TBC1D23: variants seen among roughly 807,000 people sequenced by gnomAD.
TBC1D23 encodes the protein HCV non-structural protein 4A-transactivated protein 1.
TBC1D23 carries 55 observed loss-of-function variants against 91.4 expected under a neutral mutation model. That is an observed-to-expected ratio of 0.60 (90% CI 0.48 to 0.75). The LOEUF (loss-of-function observed/expected upper bound fraction) is 0.75, where lower values mean the gene tolerates loss of function less well. TBC1D23 is among the 30% of genes least tolerant of loss of function. The pLI is 0.00. For synonymous variants in TBC1D23, 289 were observed against 281.0 expected (o/e 1.03, Z -0.28); for missense variants, 725 against 836.1 (o/e 0.87, Z 1.64).
In TBC1D23 at chr3:100,290,716, G is replaced by A; in HGVS notation, c.600+15G>A. On this transcript the variant is annotated intron_variant, in intron 5 of 18. Coordinates refer to ENST00000394144, the MANE Select transcript of TBC1D23 (RefSeq NM_001199198.3). ...CACTCAACTGGGTAATAAAGTGAAA[G>A]TAGGAACATTTAATGAAAAATAGAT... 1 of 1,521,926 alleles carries A rather than the reference G, an allele frequency of 6.6e-7. No homozygotes were observed. The highest frequency in any genetic ancestry group is 1.2e-5 in the South Asian group (1 of 80,796). The allele number at this position is 1,521,926 out of a possible 1,614,324, so 94.3% of individuals were successfully genotyped here.
intron 14 of TBC1D23, among the ~76,000 whole-genome samples, chr3:100,310,782 TA>T: frequency 6.6e-6 from 1 of 152,358 alleles, no homozygotes; most frequent in Admixed American, 6.5e-5. Context: ...TGCCATTCAC[TA>T]AAAGAAATTT....
chr3:100,264,672 G>C (rs914790970), intron 1 of TBC1D23, among the ~76,000 whole-genome samples: 1 of 152,234 alleles, frequency 6.6e-6, no homozygotes, highest in African/African-American at 2.4e-5. Context: ...TTTGTTGTCA[G>C]TGGTATCTCA....
intron 1 of TBC1D23, among the ~76,000 whole-genome samples, chr3:100,264,815 A>G (rs1411563877): frequency 1.3e-5 from 2 of 152,158 alleles, no homozygotes; most frequent in African/African-American, 4.8e-5. Context: ...GCTGATTTTC[A>G]GTTATGTTCT....
At chr3:100,290,851 A>G in intron 5 of TBC1D23, 150 bp downstream of exon 5, 1 of 592,968 alleles carries the variant, frequency 1.7e-6, no homozygotes, top group Non-Finnish European at 2.7e-6. Context: ...TTGGCATTTC[A>G]AAATAACTTT....
At chr3:100,312,019 G>A (rs1705633740) in intron 15 of TBC1D23, 142 bp downstream of exon 15, 1 of 602,044 alleles carries the variant, frequency 1.7e-6, no homozygotes, top group Admixed American at 3.1e-5. Flanking sequence ...TGCTTTTTAG[G>A]AGTGTGTCAT....
chr3:100,313,203 A>G (rs1027785037), intron 15 of TBC1D23, among the ~76,000 whole-genome samples: 5 of 151,876 alleles, frequency 3.3e-5, no homozygotes, highest in African/African-American at 1.2e-4. Flanking sequence ...CATCCTTTCC[A>G]TTTTCTTCTG....
At chr3:100,292,454 GTACC>G (rs1293748440) in intron 5 of TBC1D23, among the ~76,000 whole-genome samples, 2 of 152,166 alleles carry the variant, frequency 1.3e-5, no homozygotes, top group Non-Finnish European at 2.9e-5. Context: ...TAATAGTACT[GTACC>G]TACTTCAGAG....
intron 3 of TBC1D23, among the ~76,000 whole-genome samples, chr3:100,282,348 TTTTGCATTATATGTTAGA>T (rs1255024450): frequency 1.3e-5 from 2 of 152,172 alleles, no homozygotes; most frequent in Non-Finnish European, 2.9e-5. Context: ...TTACTGTTTC[TTTTGCATTATATGTTAGA>T]TTTTTCATGT....
chr3:100,279,474 G>T (rs1185538267), intron 1 of TBC1D23, 175 bp from the exon 2 acceptor site: 1 of 452,922 alleles, frequency 2.2e-6, no homozygotes, highest in Non-Finnish European at 4.1e-6. Context: ...TTGACTGTAT[G>T]AAGCCTGAGA....
rs765539211 is a variant in TBC1D23 at position 100,266,274 on chromosome 3, A to AT, written c.53+5216dup. On this transcript the variant is annotated intron_variant, in intron 1 of 18. Transcript: ENST00000394144. ...TTAGATTTTAGAGTTTTTAAAGGTA[A>AT]TTTTTTTTTTTTTGAGACGGAGTCT... is the stretch of plus-strand genomic sequence containing the variant. 6.1e-3 allele frequency among the ~76,000 whole-genome samples: 888 copies of AT among 146,364 alleles called. 2 individuals carry two copies. Among genetic ancestry groups the AT allele is most frequent in the Non-Finnish European group, 7.7e-3 (508 of 65,998 alleles).
chr3:100,296,306 T>C (rs2067839225), intron 8 of TBC1D23, 31 bp downstream of exon 8: 1 of 1,174,036 alleles, frequency 8.5e-7, no homozygotes, highest in South Asian at 1.3e-5. Flanking sequence ...AACTATGTTG[T>C]ATTTCATATT....
chr3:100,312,537 A>G (rs916464536), intron 15 of TBC1D23, among the ~76,000 whole-genome samples: 2 of 152,184 alleles, frequency 1.3e-5, no homozygotes, highest in Non-Finnish European at 2.9e-5. Flanking sequence ...ATTAAAGACA[A>G]TAAGTTTAAG....
chr3:100,286,501 C>CTTTTTTTTTTTTTTTT (rs11370481), intron 4 of TBC1D23, among the ~76,000 whole-genome samples: 30 of 146,346 alleles, frequency 2.0e-4, no homozygotes, highest in Non-Finnish European at 3.2e-4. Flanking sequence ...AACATATCTT[C>CTTTTTTTTTTTTTTTT]TTTTTTTTTT....
At chr3:100,323,414 C>T (rs1705899604) in intron 18 of TBC1D23, among the ~76,000 whole-genome samples, 173 bp from the exon 19 acceptor site, 1 of 152,050 alleles carries the variant, frequency 6.6e-6, no homozygotes, top group South Asian at 2.1e-4. Context: ...GGATTATGTT[C>T]AAATAAGCTA....
At chr3:100,297,124 A>G (rs1411663394) in intron 8 of TBC1D23, among the ~76,000 whole-genome samples, 1 of 152,178 alleles carries the variant, frequency 6.6e-6, no homozygotes, top group Non-Finnish European at 1.5e-5. Context: ...AAGAGGCACA[A>G]GTTTATAAAG....
In TBC1D23 at chr3:100,316,186, A is replaced by G; in HGVS notation, c.1686A>G (p.Thr562=). 6.2e-7 allele frequency: 1 copy of G among 1,609,568 alleles called. No homozygotes were observed. Among genetic ancestry groups the G allele is most frequent in the South Asian group, 1.1e-5 (1 of 91,010 alleles). The change falls in exon 16 of 19, where the codon ACA becomes ACG. Residue 562 remains threonine, a splice_region_variant and synonymous_variant. Coordinates refer to ENST00000394144, the MANE Select transcript of TBC1D23 (RefSeq NM_001199198.3). ...TTGGGGATGAAGAAGAATACGACAC[A>G]GGTGTAGTAATACACTTAGCTACAG... ...FSIGDEEEYD[T]DEIDSSSMSD... is the part of the protein sequence containing the mutation.
chr3:100,263,513 G>T (rs2067531636), intron 1 of TBC1D23, among the ~76,000 whole-genome samples: 1 of 152,228 alleles, frequency 6.6e-6, no homozygotes, highest in Admixed American at 6.5e-5. Context: ...GTAAGAATGA[G>T]AACTACCTGG....
At chr3:100,289,117 G>A (rs1027161575) in intron 4 of TBC1D23, among the ~76,000 whole-genome samples, 1 of 151,954 alleles carries the variant, frequency 6.6e-6, no homozygotes, top group Non-Finnish European at 1.5e-5. Context: ...GGAGGCTGAG[G>A]TGGGAGGGTG....
chr3:100,281,284 T>A (rs1255665921), intron 2 of TBC1D23, among the ~76,000 whole-genome samples: 1 of 152,232 alleles, frequency 6.6e-6, no homozygotes, highest in Non-Finnish European at 1.5e-5. Flanking sequence ...CTGTTGCATT[T>A]GGATATGTCA....
Sources: allele counts gnomAD v4.1 joint callset (sites outside exome capture counted in the v4.1 genomes callset), GRCh38; gene constraint gnomAD v4.1.1; transcripts MANE v1.5; gene names NCBI Gene and HGNC (gene_info 2026-07-23, HGNC 2026-07-21).